SMG6: variants seen among roughly 807,000 people sequenced by gnomAD.
SMG6 encodes the protein telomerase-binding protein EST1A.
A neutral mutation model predicts 142.2 loss-of-function variants in SMG6; 66 were observed. That is an observed-to-expected ratio of 0.46 (90% CI 0.38 to 0.57). The LOEUF is 0.57. SMG6 is among the 20% of genes least tolerant of loss of function. The pLI, the probability that SMG6 is intolerant of heterozygous loss-of-function variation, is 0.00. For synonymous variants in SMG6, 779 were observed against 702.4 expected (o/e 1.11, Z -1.72); for missense variants, 1,793 against 1,832.0 (o/e 0.98, Z 0.39).
intron 6 of SMG6, among the ~76,000 whole-genome samples, chr17:2,289,892 C>T (rs908136227): frequency 1.1e-4 from 16 of 149,498 alleles, no homozygotes; most frequent in East Asian, 9.8e-4. Context: ...CTCCGGCCTG[C>T]GCAACAAAGC....
chr17:2,135,145 G>A (rs2070253385), intron 13 of SMG6, among the ~76,000 whole-genome samples: 1 of 152,192 alleles, frequency 6.6e-6, no homozygotes, highest in South Asian at 2.1e-4. Flanking sequence ...CTCCCAAAGT[G>A]CTGGGATTAC....
At chr17:2,260,308 G>A (rs1399602647) in intron 8 of SMG6, among the ~76,000 whole-genome samples, 1 of 152,146 alleles carries the variant, frequency 6.6e-6, no homozygotes, top group Non-Finnish European at 1.5e-5. Context: ...GAGAAGGCAG[G>A]CCATGATGTC....
intron 13 of SMG6, among the ~76,000 whole-genome samples, chr17:2,120,132 C>T (rs752685647): frequency 4.6e-5 from 7 of 152,254 alleles, no homozygotes; most frequent in Middle Eastern, 3.4e-3. Flanking sequence ...AGAGGAGAAC[C>T]GAGTAGAAGA....
intron 8 of SMG6, chr17:2,280,430 T>C (rs2074759767): frequency 5.5e-6 from 1 of 181,546 alleles, no homozygotes; most frequent in Non-Finnish European, 1.1e-5. Context: ...GCCCAGCTAA[T>C]TTTTTTGCAT....
intron 13 of SMG6, chr17:2,087,862 G>C: frequency 1.0e-6 from 1 of 985,884 alleles, no homozygotes; most frequent in Non-Finnish European, 1.2e-6. Context: ...TTTCCTCTCT[G>C]TGGTCTAATT....
intron 8 of SMG6, among the ~76,000 whole-genome samples, chr17:2,274,809 C>G (rs2074612625): frequency 6.6e-6 from 1 of 152,134 alleles, no homozygotes; most frequent in Non-Finnish European, 1.5e-5. Flanking sequence ...GGCAGGAAGA[C>G]TCACTCAAGT....
chr17:2,133,850 T>A lies in SMG6; in HGVS notation c.3357+38808A>T, dbSNP rs576468527. 3.3e-5 allele frequency among the ~76,000 whole-genome samples: 5 copies of A among 152,364 alleles called. No homozygotes were observed. The South Asian group carries it at 1.0e-3, about 32-fold the overall frequency. Reference sequence around the variant, plus strand: ...TTAAATATATGGGGCATACCCTTTCTGTTTTCTTCCTCCATTAAGCTGCCT... The same window carrying A: ...TTAAATATATGGGGCATACCCTTTCAGTTTTCTTCCTCCATTAAGCTGCCT... On this transcript the variant is annotated intron_variant, in intron 13 of 18. Coordinates refer to ENST00000263073, the MANE Select transcript of SMG6 (RefSeq NM_017575.5).
intron 9 of SMG6, among the ~76,000 whole-genome samples, chr17:2,238,059 C>T (rs765170861): frequency 6.6e-6 from 1 of 152,188 alleles, no homozygotes; most frequent in Non-Finnish European, 1.5e-5. Context: ...GAGGAAGGTG[C>T]TTCTAGCTTC....
chr17:2,192,923 G>A (rs1394655722), intron 10 of SMG6, among the ~76,000 whole-genome samples: 1 of 152,218 alleles, frequency 6.6e-6, no homozygotes, highest in African/African-American at 2.4e-5. Context: ...TATTCCCTGA[G>A]GAGCAGAACG....
At chr17:2,086,530 T>A (rs1287209375) in intron 13 of SMG6, among the ~76,000 whole-genome samples, 1 of 152,132 alleles carries the variant, frequency 6.6e-6, no homozygotes, top group Non-Finnish European at 1.5e-5. Context: ...GGTGGGGATG[T>A]TTCACCAAAG....
At position 2,300,416 on chromosome 17, in the gene SMG6, C is replaced by T. The variant is rs866912597; in HGVS notation, c.337G>A (p.Glu113Lys). The change falls in exon 2 of 19, where the codon GAA (glutamate) becomes AAA (lysine). Residue 113 changes from glutamate to lysine, a missense_variant. By Grantham distance (56) the Glu-to-Lys change is moderately conservative (BLOSUM62 1). Coordinates refer to ENST00000263073, the MANE Select transcript of SMG6 (RefSeq NM_017575.5). ...AAGGATTCTTGTCCCCGATTATTTT[C>T]TGGGTCTATAGGACCATTCTGCTCT... ...NQEQNGPIDP[E>K]NNRGQESFPR... 1.2e-6 allele frequency: 2 copies of T among 1,614,198 alleles called. No homozygotes were observed. The highest frequency in any genetic ancestry group is 4.5e-5 in the East Asian group (2 of 44,886).
chr17:2,071,667 A>G lies in SMG6; in HGVS notation c.3682-2736T>C, dbSNP rs1311359863. 6.6e-6 allele frequency among the ~76,000 whole-genome samples: 1 copy of G among 152,096 alleles called. No individual in the cohort carries two copies. Among genetic ancestry groups the G allele is most frequent in the African/African-American group, 2.4e-5 (1 of 41,414 alleles). ...CAAACAACTGCTTCCTGTTCCCCGC[A>G]TGCCCTCATGGAGTCTCAGGAGATG... On this transcript the variant is annotated intron_variant, in intron 15 of 18. Coordinates refer to ENST00000263073, the MANE Select transcript of SMG6 (RefSeq NM_017575.5). The surrounding 1 kb of genome is among the most constrained non-coding windows in gnomAD (Gnocchi z 5.6).
intron 15 of SMG6, among the ~76,000 whole-genome samples, chr17:2,070,702 G>A (rs185467213): frequency 6.6e-6 from 1 of 152,340 alleles, no homozygotes; most frequent in East Asian, 1.9e-4. Flanking sequence ...GCTACAGAAC[G>A]CTGGCAGGCA....
intron 13 of SMG6, among the ~76,000 whole-genome samples, chr17:2,170,535 T>C (rs930795824): frequency 1.3e-5 from 2 of 152,268 alleles, no homozygotes; most frequent in Admixed American, 1.3e-4. Context: ...ATCTTCCACA[T>C]GTATAAAACA....
chr17:2,252,629 G>T (rs953753173), intron 8 of SMG6, among the ~76,000 whole-genome samples: 1 of 152,178 alleles, frequency 6.6e-6, no homozygotes, highest in Admixed American at 6.6e-5. Flanking sequence ...TTAAATGAGT[G>T]AGATCAGTAC....
chr17:2,066,882 T>A (rs1306892880), intron 16 of SMG6, among the ~76,000 whole-genome samples: 1 of 152,228 alleles, frequency 6.6e-6, no homozygotes, highest in Non-Finnish European at 1.5e-5. Flanking sequence ...TTGTTTGTGC[T>A]TCTGCACCAG....
At chr17:2,065,976 A>C in intron 16 of SMG6, 1 of 448,950 alleles carries the variant, frequency 2.2e-6, no homozygotes, top group Non-Finnish European at 4.1e-6. Context: ...TGGTCCCTCT[A>C]TTGCATTCCT....
chr17:2,282,315 C>A (rs1006307770), intron 8 of SMG6, among the ~76,000 whole-genome samples: 1 of 136,230 alleles, frequency 7.3e-6, no homozygotes, highest in Non-Finnish European at 1.5e-5. Flanking sequence ...TAAGGTCAAC[C>A]AAGAGGAAAA....
intron 10 of SMG6, among the ~76,000 whole-genome samples, chr17:2,218,658 T>C (rs1388515511): frequency 1.3e-5 from 2 of 152,206 alleles, no homozygotes; most frequent in Non-Finnish European, 2.9e-5. Flanking sequence ...GAGCTACTCA[T>C]CACCTGAGGT....
Sources: gnomAD v4.1 joint callset for allele counts (sites outside exome capture counted in the v4.1 genomes callset) on GRCh38, gnomAD v4.1.1 for gene constraint, Gnocchi (gnomAD v3.1) non-coding constraint, MANE v1.5 for transcripts, NCBI Gene and HGNC (gene_info 2026-07-23, HGNC 2026-07-21) for gene names.